Variants in UNC13C observed in about 807,000 individuals in gnomAD.
UNC13C encodes the protein unc-13 homolog C.
Under a neutral mutation model 245.4 loss-of-function variants are expected in UNC13C, and 174 were observed. The ratio of observed to expected loss-of-function variants is 0.71; its 90% CI spans 0.63 to 0.80. The LOEUF is 0.80. Ranked by LOEUF, UNC13C falls within the 30% of genes least tolerant of loss-of-function variation. The pLI, the probability that UNC13C is intolerant of heterozygous loss-of-function variation, is 0.00. For missense variants in UNC13C, 2,829 were observed against 2,602.9 expected (o/e 1.09, Z -1.89); for synonymous variants, 992 against 895.1 (o/e 1.11, Z -1.93).
In UNC13C at chr15:54,250,368, A is replaced by G. The variant is rs1229488355; in HGVS notation, c.3372A>G (p.Gln1124=). 6.2e-7 allele frequency: 1 copy of G among 1,613,822 alleles called. No homozygotes were observed. Among genetic ancestry groups the G allele is most frequent in the African/African-American group, 1.3e-5 (1 of 74,902 alleles). The change falls in exon 8 of 33, where the codon CAA becomes CAG. Residue 1124 remains glutamine (Q), a synonymous_variant. Transcript: ENST00000260323. ...GGCTCCTGTGGGGCATTGCAAGGCA[A>G]GGCATGAAGTGTCTGGAGTGTGGAG... ...CEGLLWGIAR[Q]GMKCLECGVK...
In UNC13C at chr15:54,233,728, G is replaced by C. The variant is rs114918432; in HGVS notation, c.3072-1302G>C. 9.0e-3 allele frequency among the ~76,000 whole-genome samples: 1,363 copies of C among 152,208 alleles called. 19 individuals are homozygous for C. Among genetic ancestry groups the C allele is most frequent in the African/African-American group, 0.032 (1,326 of 41,512 alleles). On this transcript the variant is annotated intron_variant, in intron 4 of 32. Transcript: ENST00000260323. ...TAAGCTAAGCAGCAAGAACATAGAG[G>C]CCATCTCTCTGCTGACGGAAAACTG...
chr15:54,552,574 AATTAT>A (rs1393170610), intron 28 of UNC13C, among the ~76,000 whole-genome samples: 2 of 83,536 alleles, frequency 2.4e-5, no homozygotes, highest in African/African-American at 5.4e-5. Context: ...TATTATATAT[AATTAT>A]ATTATATTGT....
At chr15:53,891,457 G>A in the UNC13C span, among the ~76,000 whole-genome samples, 1 of 152,174 alleles carries the variant, frequency 6.6e-6, no homozygotes, top group Non-Finnish European at 1.5e-5. Flanking sequence ...AATATTGACA[G>A]TGGGATGTTA....
intron 30 of UNC13C, among the ~76,000 whole-genome samples, chr15:54,610,129 T>G (rs931214038): frequency 1.2e-4 from 19 of 152,184 alleles, no homozygotes; most frequent in African/African-American, 4.3e-4. Context: ...AAATAGATCT[T>G]ATCTTATATA....
chr15:54,384,669 T>C (rs1485565766), intron 17 of UNC13C, among the ~76,000 whole-genome samples: 1 of 151,892 alleles, frequency 6.6e-6, no homozygotes, highest in Non-Finnish European at 1.5e-5. Flanking sequence ...ATTGAGACCA[T>C]AGTAAAGTTA....
At chr15:53,956,629 A>T in the UNC13C span, among the ~76,000 whole-genome samples, 1 of 117,560 alleles carries the variant, frequency 8.5e-6, no homozygotes, top group Non-Finnish European at 1.9e-5. Flanking sequence ...GATGATTGGA[A>T]TAAAGTCAGG....
the UNC13C span, among the ~76,000 whole-genome samples, chr15:53,876,679 T>G: frequency 6.6e-6 from 1 of 152,172 alleles, no homozygotes; most frequent in South Asian, 2.1e-4. Context: ...ATTTATTTAT[T>G]TTTTCAAAAT....
At chr15:54,422,551 TC>T (rs2040669224) in intron 19 of UNC13C, among the ~76,000 whole-genome samples, 1 of 152,088 alleles carries the variant, frequency 6.6e-6, no homozygotes, top group South Asian at 2.1e-4. Flanking sequence ...TTTACCTCAT[TC>T]ACGTTCCTCT....
intron 8 of UNC13C, among the ~76,000 whole-genome samples, chr15:54,263,925 G>T (rs944341165): frequency 1.8e-4 from 27 of 152,018 alleles, no homozygotes; most frequent in African/African-American, 6.5e-4. Flanking sequence ...ATTTAGTTCA[G>T]TAATACAAAA....
the UNC13C span, among the ~76,000 whole-genome samples, chr15:53,920,477 C>T: frequency 3.9e-5 from 6 of 152,140 alleles, no homozygotes; most frequent in East Asian, 3.9e-4. Flanking sequence ...CTGCTTGGAC[C>T]GGGAGGCAGA....
chr15:54,037,179 C>T (rs1031581747), intron 2 of UNC13C, among the ~76,000 whole-genome samples: 3 of 152,234 alleles, frequency 2.0e-5, no homozygotes, highest in African/African-American at 7.2e-5. Context: ...CTGCTTCCAT[C>T]TGTTTTGAGT....
chr15:54,446,370 T>A (rs532286087), intron 19 of UNC13C, among the ~76,000 whole-genome samples: 1 of 152,260 alleles, frequency 6.6e-6, no homozygotes, highest in South Asian at 2.1e-4. Flanking sequence ...ATTGAATCTA[T>A]AAATTACCTT....
intron 13 of UNC13C, among the ~76,000 whole-genome samples, chr15:54,307,002 C>T (rs1008279834): frequency 6.6e-6 from 1 of 151,968 alleles, no homozygotes; most frequent in African/African-American, 2.4e-5. Context: ...GTGCCAGAAA[C>T]ATTTCTATGG....
intron 4 of UNC13C, among the ~76,000 whole-genome samples, chr15:54,213,499 A>AT (rs1405506515): frequency 6.6e-6 from 1 of 152,078 alleles, no homozygotes; most frequent in Non-Finnish European, 1.5e-5. Flanking sequence ...TTCTCAACTA[A>AT]TTGATAGTTA....
At chr15:54,227,328 C>T (rs564429980) in intron 4 of UNC13C, among the ~76,000 whole-genome samples, 81 of 152,250 alleles carry the variant, frequency 5.3e-4, no homozygotes, top group South Asian at 1.7e-3. Context: ...GAACTGGCAG[C>T]CCAGTCCCCA....
intron 4 of UNC13C, among the ~76,000 whole-genome samples, chr15:54,176,016 C>G (rs1464087970): frequency 6.6e-6 from 1 of 152,270 alleles, no homozygotes; most frequent in South Asian, 2.1e-4. Context: ...TATAGGATAT[C>G]TCCTTCCTCA....
intron 19 of UNC13C, among the ~76,000 whole-genome samples, chr15:54,457,662 T>C (rs1243052481): frequency 1.3e-5 from 2 of 152,184 alleles, no homozygotes; most frequent in East Asian, 1.9e-4. Context: ...TTTGTGTGCA[T>C]ATAGGTGTTC....
At chr15:54,241,756 A>G (rs2035857345) in intron 7 of UNC13C, among the ~76,000 whole-genome samples, 1 of 152,180 alleles carries the variant, frequency 6.6e-6, no homozygotes, top group Admixed American at 6.5e-5. Context: ...GGTGGCCATC[A>G]GCGCAGTAGG....
chr15:54,206,514 C>A (rs571934655), intron 4 of UNC13C, among the ~76,000 whole-genome samples: 1 of 152,158 alleles, frequency 6.6e-6, no homozygotes, highest in East Asian at 1.9e-4. Flanking sequence ...ATGGTTATTA[C>A]AGAATGAACC....
Sources: gnomAD v4.1 joint callset for allele counts (sites outside exome capture counted in the v4.1 genomes callset) on GRCh38, gnomAD v4.1.1 for gene constraint, MANE v1.5 for transcripts, NCBI Gene and HGNC (gene_info 2026-07-23, HGNC 2026-07-21) for gene names.